Variants in SLCO2A1 observed in about 807,000 individuals in gnomAD.
SLCO2A1 encodes solute carrier organic anion transporter family member 2A1, also known as matrin F/G 1.
A neutral mutation model predicts 71.7 loss-of-function variants in SLCO2A1; 60 were observed. That is an observed-to-expected ratio of 0.84 (90% CI 0.68 to 1.04). The LOEUF is 1.04. SLCO2A1 is among the 50% of genes least tolerant of loss of function. The pLI is 0.00. For missense variants in SLCO2A1, 745 were observed against 813.4 expected, an observed-to-expected ratio of 0.92 and a Z score of 1.02; for synonymous variants, 308 against 326.7, an observed-to-expected ratio of 0.94 and a Z score of 0.62.
At chr3:133,959,827 T>A (rs955887264) in intron 3 of SLCO2A1, among the ~76,000 whole-genome samples, 5 of 150,596 alleles carry the variant, frequency 3.3e-5, no homozygotes, top group African/African-American at 1.2e-4. Flanking sequence ...CAAAAAAAAA[T>A]AAATACTAAT....
In SLCO2A1 at chr3:133,947,338, T is replaced by C. The variant is rs1354010336; in HGVS notation, c.1213A>G (p.Ile405Val). The part of the protein sequence containing the change: ...QAIPRIATTI[I>V]TISMILCVPL... ...ACACAAAGGATCATGGAGATGGTGATGATGGTGGTAGCTATGCGGGGAATG... is the reference window on the plus strand; with the variant it reads ...ACACAAAGGATCATGGAGATGGTGACGATGGTGGTAGCTATGCGGGGAATG... Residue 405 changes from isoleucine to valine, a missense_variant, in exon 9 of 14, where the codon ATC becomes GTC. Physicochemically the swap from Ile to Val is conservative, Grantham distance 29 (BLOSUM62 3). Coordinates refer to ENST00000310926, the MANE Select transcript of SLCO2A1 (RefSeq NM_005630.3). 3 of 1,614,100 alleles carry C rather than the reference T, an allele frequency of 1.9e-6. No individual in the cohort carries two copies. The highest frequency in any genetic ancestry group is 1.6e-4 in the Middle Eastern group (1 of 6,062).
At chr3:133,970,466 A>T (rs1402210659) in intron 3 of SLCO2A1, among the ~76,000 whole-genome samples, 4 of 152,240 alleles carry the variant, frequency 2.6e-5, no homozygotes, top group African/African-American at 9.6e-5. Flanking sequence ...CAAAACTAAA[A>T]TTTCCATAAG....
rs1180488015 is a variant in SLCO2A1 at position 133,947,456 on chromosome 3, AAAG to A, written c.1106-14_1106-12del. On this transcript the variant is annotated splice_polypyrimidine_tract_variant and intron_variant, in intron 8 of 13. Coordinates refer to ENST00000310926, the MANE Select transcript of SLCO2A1 (RefSeq NM_005630.3). ...GGAGGTTCACAGCACCTATAAGTGG[AAAG>A]AAGGAGGTGATCCAGGTGCACAGGC... 2 of 1,607,242 alleles carry A rather than the reference AAAG, an allele frequency of 1.2e-6. No homozygotes were observed. The highest frequency in any genetic ancestry group is 4.5e-5 in the East Asian group (2 of 44,770).
intron 11 of SLCO2A1, among the ~76,000 whole-genome samples, chr3:133,939,983 T>TC (rs1330194713): frequency 1.5e-4 from 19 of 130,034 alleles, no homozygotes; most frequent in African/African-American, 5.5e-4. Context: ...TTTTTTTTTT[T>TC]CGGAGACAGA....
At position 133,986,750 on chromosome 3, in the gene SLCO2A1, G is replaced by A. The variant is rs147047164; in HGVS notation, c.97-7132C>T. On this transcript the variant is annotated intron_variant, in intron 1 of 13. Transcript: ENST00000310926. The stretch of plus-strand genomic sequence containing the variant: ...GTGTGGGGGACTTGGCCCAAGCCAC[G>A]CTTCAGTGACATAAGTGAGATGACC... 3.7e-3 allele frequency among the ~76,000 whole-genome samples: 567 copies of A among 152,342 alleles called. 3 individuals carry two copies. Among genetic ancestry groups the A allele is most frequent in the Admixed American group, 5.4e-3 (82 of 15,306 alleles).
chr3:134,016,220 T>C (rs1935452757), intron 1 of SLCO2A1, among the ~76,000 whole-genome samples: 1 of 152,012 alleles, frequency 6.6e-6, no homozygotes, highest in Non-Finnish European at 1.5e-5. Flanking sequence ...CTCTGTAAAA[T>C]ACCTTGTTAA....
chr3:133,997,412 T>C (rs1481985208), intron 1 of SLCO2A1, among the ~76,000 whole-genome samples: 1 of 152,224 alleles, frequency 6.6e-6, no homozygotes, highest in African/African-American at 2.4e-5. Context: ...ACAGATGTAA[T>C]CAAGTTAACA....
intron 1 of SLCO2A1, among the ~76,000 whole-genome samples, chr3:133,983,957 CAGGA>C (rs1559946108): frequency 6.6e-6 from 1 of 152,084 alleles, no homozygotes; most frequent in African/African-American, 2.4e-5. Context: ...GCCTGAGGGC[CAGGA>C]AGAGGTCAAA....
rs1559930172 is a variant in SLCO2A1, at chr3:133,945,123, T to C, written c.1433A>G (p.Asn478Ser). The C allele has an allele frequency of 1.9e-6, 3 of 1,613,770 alleles. No individual in the cohort carries two copies. The highest frequency in any genetic ancestry group is 2.5e-6 in the Non-Finnish European group (3 of 1,179,788). Residue 478 changes from asparagine to serine, a missense_variant, in exon 10 of 14, where the codon AAC becomes AGC. Physicochemically the swap from Asn to Ser is conservative, Grantham distance 46. Coordinates refer to ENST00000310926, the MANE Select transcript of SLCO2A1 (RefSeq NM_005630.3). ...TTGCTTGGAGGTTGCAGAGCTCATG[T>C]TGATGTTGCTGCAGCCGGCATGGCA... ...SPCHAGCSNI[N>S]MSSATSKQLI... is the part of the protein sequence containing the mutation.
intron 8 of SLCO2A1, among the ~76,000 whole-genome samples, 197 bp from the exon 9 acceptor site, chr3:133,947,642 CA>C (rs1354970080): frequency 1.3e-5 from 2 of 152,216 alleles, no homozygotes; most frequent in African/African-American, 4.8e-5. Context: ...TATCTTGAGA[CA>C]GGATTGCCTT....
intron 10 of SLCO2A1, among the ~76,000 whole-genome samples, chr3:133,944,165 G>C (rs1236651065): frequency 6.6e-6 from 1 of 152,168 alleles, no homozygotes; most frequent in Non-Finnish European, 1.5e-5. Flanking sequence ...GGTGTGCATA[G>C]AATTCTGTTC....
chr3:133,934,925 G>T, intron 13 of SLCO2A1, 95 bp from the exon 14 acceptor site: 2 of 959,120 alleles, frequency 2.1e-6, no homozygotes, highest in Non-Finnish European at 1.6e-6. Flanking sequence ...TCATTCCCAC[G>T]CTGGCCCGCG....
intron 12 of SLCO2A1, 128 bp downstream of exon 12, chr3:133,938,301 A>T (rs1431428811): frequency 2.3e-6 from 2 of 856,574 alleles, no homozygotes; most frequent in Non-Finnish European, 3.9e-6. Context: ...TCTGCTGTTG[A>T]TTATGCACAG....
At chr3:133,967,292 G>T (rs1301401797) in intron 3 of SLCO2A1, among the ~76,000 whole-genome samples, 2 of 152,228 alleles carry the variant, frequency 1.3e-5, no homozygotes, top group African/African-American at 2.4e-5. Flanking sequence ...AAGGGGAGTT[G>T]TGCCTTGCCC....
intron 10 of SLCO2A1, 86 bp downstream of exon 10, chr3:133,945,009 G>C (rs1293509912): frequency 2.1e-6 from 3 of 1,461,018 alleles, no homozygotes; most frequent in Non-Finnish European, 2.8e-6. Flanking sequence ...GCCTATCCTG[G>C]AGCCGAGAAA....
chr3:133,968,396 G>A (rs577755187), intron 3 of SLCO2A1, among the ~76,000 whole-genome samples: 1 of 152,050 alleles, frequency 6.6e-6, no homozygotes, highest in African/African-American at 2.4e-5. Context: ...CTGTGGAAAG[G>A]CTGAGCTCCC....
intron 10 of SLCO2A1, among the ~76,000 whole-genome samples, 159 bp downstream of exon 10, chr3:133,944,936 G>C (rs774948389): frequency 2.0e-5 from 3 of 152,254 alleles, no homozygotes; most frequent in Non-Finnish European, 4.4e-5. Context: ...GGGAGGTAGA[G>C]AGAGGTTGGA....
At chr3:134,004,499 T>C (rs898266933) in intron 1 of SLCO2A1, among the ~76,000 whole-genome samples, 13 of 152,198 alleles carry the variant, frequency 8.5e-5, no homozygotes, top group Non-Finnish European at 1.8e-4. Flanking sequence ...CATGCCTGGC[T>C]AATTTTGTAT....
At chr3:133,965,132 A>G (rs1934133767) in intron 3 of SLCO2A1, among the ~76,000 whole-genome samples, 1 of 152,228 alleles carries the variant, frequency 6.6e-6, no homozygotes, top group African/African-American at 2.4e-5. Flanking sequence ...AAGGGGGAAA[A>G]AAAAACCGTT....
Sources: gnomAD v4.1 joint callset for allele counts (sites outside exome capture counted in the v4.1 genomes callset) on GRCh38, gnomAD v4.1.1 for gene constraint, MANE v1.5 for transcripts, NCBI Gene and HGNC (gene_info 2026-07-23, HGNC 2026-07-21) for gene names.